LRRC49: variants seen among roughly 807,000 people sequenced by gnomAD.
LRRC49 encodes leucine-rich repeat-containing protein 49.
A neutral mutation model predicts 83.3 loss-of-function variants in LRRC49; 50 were observed. The ratio of observed to expected loss-of-function variants is 0.60; its 90% CI spans 0.48 to 0.76. LRRC49 has a LOEUF of 0.76. Among genes scored for constraint, LRRC49 ranks in the 30% least tolerant of loss-of-function variants. The probability of loss-of-function intolerance (pLI) is 0.00; values close to 1 mark genes in which losing one functional copy is unlikely to be tolerated. For missense variants in LRRC49, 704 were observed against 809.1 expected (o/e 0.87, Z 1.58); for synonymous variants, 286 against 283.3 (o/e 1.01, Z -0.10).
chr15:70,935,495 A>G (rs1307743110), intron 7 of LRRC49, among the ~76,000 whole-genome samples: 1 of 152,196 alleles, frequency 6.6e-6, no homozygotes, highest in African/African-American at 2.4e-5. Flanking sequence ...AGGTTTGTCA[A>G]TAATTTTAAT....
At chr15:71,034,057 C>A (rs1251861811) in intron 14 of LRRC49, among the ~76,000 whole-genome samples, 3 of 152,108 alleles carry the variant, frequency 2.0e-5, no homozygotes, top group Admixed American at 2.0e-4. Flanking sequence ...AACTAAAGAG[C>A]TTCTGCACAG....
intron 6 of LRRC49, 47 bp from the exon 7 acceptor site, chr15:70,919,003 T>G: frequency 6.7e-7 from 1 of 1,498,838 alleles, no homozygotes; most frequent in Non-Finnish European, 9.1e-7. Context: ...ACATGTATAT[T>G]TCAGGTTTTT....
At chr15:70,919,618 A>T (rs1233235772) in intron 7 of LRRC49, among the ~76,000 whole-genome samples, 1 of 152,180 alleles carries the variant, frequency 6.6e-6, no homozygotes, top group Non-Finnish European at 1.5e-5. Context: ...GTTTTTAAAG[A>T]GGAGCTTGGT....
chr15:70,928,046 A>C (rs1484007043), intron 7 of LRRC49, among the ~76,000 whole-genome samples: 1 of 152,112 alleles, frequency 6.6e-6, no homozygotes, highest in African/African-American at 2.4e-5. Context: ...ATTATCTTTT[A>C]TTTAAAAAAC....
chr15:70,857,072 C>T (rs2141066469), intron 1 of LRRC49, among the ~76,000 whole-genome samples: 1 of 152,190 alleles, frequency 6.6e-6, no homozygotes, highest in East Asian at 1.9e-4. Flanking sequence ...CTTTCCCTTC[C>T]CTGGAATCTT....
chr15:70,952,982 T>C (rs571044522), intron 8 of LRRC49, among the ~76,000 whole-genome samples: 1 of 152,316 alleles, frequency 6.6e-6, no homozygotes, highest in Non-Finnish European at 1.5e-5. Context: ...ATTAGCCTGA[T>C]AGATCTTTCT....
At chr15:70,861,897 C>A (rs1426951908) in intron 1 of LRRC49, among the ~76,000 whole-genome samples, 1 of 152,012 alleles carries the variant, frequency 6.6e-6, no homozygotes, top group African/African-American at 2.4e-5. Flanking sequence ...TGCACTCCAG[C>A]CTGGGTGACA....
At chr15:70,866,424 C>T (rs866650042) in intron 1 of LRRC49, among the ~76,000 whole-genome samples, 165 of 152,230 alleles carry the variant, frequency 1.1e-3, no homozygotes, top group African/African-American at 3.6e-3. Context: ...GGATTACAGG[C>T]GTGAGCGACC....
intron 7 of LRRC49, among the ~76,000 whole-genome samples, chr15:70,932,434 C>G (rs1252174606): frequency 6.6e-6 from 1 of 152,066 alleles, no homozygotes; most frequent in African/African-American, 2.4e-5. Context: ...GTGAATGAAT[C>G]TGTTTACAGC....
chr15:70,957,556 A>G (rs967985701), intron 8 of LRRC49, among the ~76,000 whole-genome samples: 1 of 152,138 alleles, frequency 6.6e-6, no homozygotes, highest in African/African-American at 2.4e-5. Flanking sequence ...ATTCACCGAA[A>G]CTTTATTGCA....
chr15:70,946,935 A>C (rs1249283986), intron 8 of LRRC49, among the ~76,000 whole-genome samples: 2 of 152,104 alleles, frequency 1.3e-5, no homozygotes, highest in Non-Finnish European at 2.9e-5. Flanking sequence ...TTATGGCTTA[A>C]AAAGAAATAG....
rs1034896474 is a variant in LRRC49, at chr15:70,867,498, A to G, written c.-298-5410A>G. 9.8e-5 allele frequency among the ~76,000 whole-genome samples: 15 copies of G among 152,304 alleles called. No homozygotes were observed. The South Asian group carries it at 1.5e-3, about 15-fold the overall frequency. On this transcript the variant is annotated intron_variant, in intron 1 of 16. Transcript: ENST00000544974. ...CTCATTTAACCCTTGCAGCAGTCCCAAGTCCCAATGATCCCAGTGAGGTAT... is the reference window on the plus strand; with the variant it reads ...CTCATTTAACCCTTGCAGCAGTCCCGAGTCCCAATGATCCCAGTGAGGTAT...
intron 12 of LRRC49, 62 bp from the exon 13 acceptor site, chr15:71,009,745 G>A (rs1030307673): frequency 8.8e-6 from 10 of 1,138,910 alleles, no homozygotes; most frequent in Admixed American, 2.2e-5. Flanking sequence ...AAGCTTTAAT[G>A]TTAATATTTC....
chr15:71,048,598 A>G (rs771153149), intron 15 of LRRC49, among the ~76,000 whole-genome samples: 9 of 152,158 alleles, frequency 5.9e-5, no homozygotes, highest in Non-Finnish European at 1.2e-4. Context: ...TTCCATGTAT[A>G]TTATACATTC....
At chr15:71,045,401 C>T (rs1287542263) in intron 15 of LRRC49, among the ~76,000 whole-genome samples, 3 of 152,202 alleles carry the variant, frequency 2.0e-5, no homozygotes, top group African/African-American at 4.8e-5. Flanking sequence ...ATCCATCAGT[C>T]TACCTTCGTA....
At chr15:70,917,074 G>A (rs2034809943) in intron 6 of LRRC49, among the ~76,000 whole-genome samples, 1 of 152,212 alleles carries the variant, frequency 6.6e-6, no homozygotes, top group South Asian at 2.1e-4. Context: ...CATGCTTGGG[G>A]CAGTGCTTAC....
intron 8 of LRRC49, among the ~76,000 whole-genome samples, chr15:70,947,570 C>A (rs537443570): frequency 6.6e-6 from 1 of 152,234 alleles, no homozygotes; most frequent in East Asian, 1.9e-4. Context: ...GTATAAAGAG[C>A]GCTTCATCTC....
At chr15:70,882,886 A>G in intron 2 of LRRC49, 2 of 1,614,030 alleles carry the variant, frequency 1.2e-6, no homozygotes, top group South Asian at 1.1e-5. Flanking sequence ...TTGGGTTTGC[A>G]CAAGTTCATT....
chr15:70,892,137 C>T, upstream of LRRC49: 1 of 1,613,598 alleles, frequency 6.2e-7, no homozygotes, highest in Non-Finnish European at 8.5e-7. Flanking sequence ...TCATTGCCTC[C>T]GTACCAGTCG....
Sources: gnomAD v4.1 joint callset for allele counts (sites outside exome capture counted in the v4.1 genomes callset) on GRCh38, gnomAD v4.1.1 for gene constraint, MANE v1.5 for transcripts, NCBI Gene and HGNC (gene_info 2026-07-23, HGNC 2026-07-21) for gene names.